NECAB2: variants seen among roughly 807,000 people sequenced by gnomAD.
The protein encoded by NECAB2 is N-terminal EF-hand calcium binding protein 2.
A neutral mutation model predicts 51.9 loss-of-function variants in NECAB2; 68 were observed. The ratio of observed to expected loss-of-function variants is 1.31; its 90% CI spans 1.08 to 1.60. NECAB2 has a LOEUF of 1.60. Among genes scored for constraint, NECAB2 ranks in the 40% most tolerant of loss-of-function variants. The probability of loss-of-function intolerance (pLI) is 0.00; values close to 1 mark genes in which losing one functional copy is unlikely to be tolerated. For missense variants in NECAB2, 854 were observed against 490.3 expected (o/e 1.74, Z -7.00); for synonymous variants, 329 against 203.5 (o/e 1.62, Z -5.25).
chr16:83,969,853 G>A (rs1324642780), intron 1 of NECAB2, among the ~76,000 whole-genome samples: 4 of 152,150 alleles, frequency 2.6e-5, no homozygotes, highest in Non-Finnish European at 5.9e-5. Context: ...CGCGTGTATC[G>A]CGGATCCCTG....
chr16:83,985,176 G>A (rs921971572), intron 5 of NECAB2, among the ~76,000 whole-genome samples: 2 of 151,734 alleles, frequency 1.3e-5, no homozygotes, highest in African/African-American at 4.8e-5. Flanking sequence ...AGCCGAGCGT[G>A]GTGGCAGGCG....
intron 1 of NECAB2, among the ~76,000 whole-genome samples, chr16:83,971,248 A>G (rs753305171): frequency 1.3e-5 from 2 of 152,216 alleles, no homozygotes; most frequent in Admixed American, 6.5e-5. Context: ...GCAAGGTCTT[A>G]GCGCACAGGT....
At chr16:83,994,571 C>T (rs1567675748) in intron 7 of NECAB2, 38 bp from the exon 8 acceptor site, 4 of 1,612,852 alleles carry the variant, frequency 2.5e-6, no homozygotes, top group South Asian at 2.2e-5. Context: ...CTCGTCCTGC[C>T]CACCACTGAA....
At position 83,994,542 on chromosome 16, in the gene NECAB2, C is replaced by A. The variant is rs1730080840; in HGVS notation, c.716-67C>A. The A allele has an allele frequency of 6.2e-6, 10 of 1,605,398 alleles. No individual in the cohort carries two copies. The East Asian group carries it at 6.7e-5, about 11-fold the overall frequency. ...ATGCCCCTGGAGGGGCTGGATGTTT[C>A]CAGCTTCCCCCCGAAGCCCTCGTCC... On this transcript the variant is annotated intron_variant, in intron 7 of 12. Coordinates refer to ENST00000305202, the MANE Select transcript of NECAB2 (RefSeq NM_019065.3).
At chr16:83,969,961 C>T (rs959213218) in intron 1 of NECAB2, among the ~76,000 whole-genome samples, 1 of 152,164 alleles carries the variant, frequency 6.6e-6, no homozygotes, top group African/African-American at 2.4e-5. Flanking sequence ...GCAGGGGGAG[C>T]TCTAGAGTGC....
intron 5 of NECAB2, among the ~76,000 whole-genome samples, chr16:83,981,676 T>C (rs2084491509): frequency 6.6e-6 from 1 of 151,842 alleles, no homozygotes; most frequent in South Asian, 2.1e-4. Flanking sequence ...CTGGCTGGGA[T>C]GAGTGGGGAA....
intron 6 of NECAB2, among the ~76,000 whole-genome samples, chr16:83,993,181 C>A (rs988647203): frequency 1.3e-5 from 2 of 152,190 alleles, no homozygotes; most frequent in Non-Finnish European, 2.9e-5. Context: ...CCAGGACAGT[C>A]TCCCAGGATG....
intron 2 of NECAB2, among the ~76,000 whole-genome samples, chr16:83,972,820 C>G (rs945169167): frequency 9.2e-5 from 14 of 152,320 alleles, no homozygotes; most frequent in East Asian, 7.7e-4. Context: ...AGGGGCTTCA[C>G]TTGCAGAAGG....
intron 10 of NECAB2, among the ~76,000 whole-genome samples, chr16:83,999,040 A>C (rs1230613933): frequency 1.3e-5 from 2 of 152,070 alleles, no homozygotes; most frequent in African/African-American, 4.8e-5. Context: ...CCATCCCCAG[A>C]GCACACACTC....
At chr16:83,990,090 C>A (rs2084603080) in intron 5 of NECAB2, among the ~76,000 whole-genome samples, 1 of 152,208 alleles carries the variant, frequency 6.6e-6, no homozygotes, top group African/African-American at 2.4e-5. Flanking sequence ...AACTACCAGT[C>A]ACTATCACTG....
At chr16:83,970,396 G>A (rs1332553523) in intron 1 of NECAB2, among the ~76,000 whole-genome samples, 2 of 152,190 alleles carry the variant, frequency 1.3e-5, no homozygotes, top group Non-Finnish European at 2.9e-5. Context: ...AGTCAGGAAC[G>A]GGGCTGCGGG....
chr16:83,969,770 G>A (rs1473015389), intron 1 of NECAB2, among the ~76,000 whole-genome samples: 1 of 152,172 alleles, frequency 6.6e-6, no homozygotes, highest in Admixed American at 6.5e-5. Context: ...GTCCTGCTGG[G>A]GTGGGGCTGG....
chr16:83,996,718 T>TG lies in NECAB2; in HGVS notation c.796-495dup, dbSNP rs568869398. Among the ~76,000 whole-genome samples, 270 of 152,262 alleles carry TG rather than the reference T, an allele frequency of 1.8e-3. 2 individuals are homozygous for TG. Among genetic ancestry groups the TG allele is most frequent in the African/African-American group, 6.0e-3 (251 of 41,566 alleles). ...TCTTCTGTGGGGGCTCAGCCCTGTG[T>TG]GGGCACCAGTCGTGGGCGAACAGAG... is the stretch of plus-strand genomic sequence containing the variant. On this transcript the variant is annotated intron_variant, in intron 8 of 12. Coordinates refer to ENST00000305202, the MANE Select transcript of NECAB2 (RefSeq NM_019065.3).
chr16:83,997,864 A>AT (rs1245322392), intron 9 of NECAB2, among the ~76,000 whole-genome samples: 1 of 152,078 alleles, frequency 6.6e-6, no homozygotes, highest in African/African-American at 2.4e-5. Context: ...AGTGATGTGA[A>AT]AATGCTGAGT....
chr16:83,977,285 G>A (rs555621524), intron 2 of NECAB2, among the ~76,000 whole-genome samples: 4 of 152,242 alleles, frequency 2.6e-5, no homozygotes, highest in African/African-American at 9.6e-5. Context: ...CTCTTAAGGA[G>A]GAACAGATCC....
At chr16:83,979,489 C>T (rs75851976) in intron 3 of NECAB2, among the ~76,000 whole-genome samples, 5,807 of 152,240 alleles carry the variant, frequency 0.038, 195 homozygotes, top group African/African-American at 0.09. Context: ...GAGCAGATAC[C>T]ATCCTCTGGG....
upstream of NECAB2, among the ~76,000 whole-genome samples, chr16:83,967,463 T>C (rs1597187558): frequency 7.4e-5 from 1 of 13,580 alleles, no homozygotes; most frequent in African/African-American, 3.2e-4. Context: ...GATGGATGGA[T>C]GGATGGATGG....
At chr16:83,986,376 G>C (rs922394068) in intron 5 of NECAB2, among the ~76,000 whole-genome samples, 2 of 152,214 alleles carry the variant, frequency 1.3e-5, no homozygotes, top group African/African-American at 4.8e-5. Flanking sequence ...GCTCAAAGGA[G>C]AATTGAAAGA....
At chr16:83,969,979 G>A (rs1199035459) in intron 1 of NECAB2, among the ~76,000 whole-genome samples, 1 of 152,146 alleles carries the variant, frequency 6.6e-6, no homozygotes, top group Admixed American at 6.5e-5. Flanking sequence ...TGCCACACTC[G>A]CAGGCACACA....
Sources: gnomAD v4.1 joint callset for allele counts (sites outside exome capture counted in the v4.1 genomes callset) on GRCh38, gnomAD v4.1.1 for gene constraint, MANE v1.5 for transcripts, NCBI Gene and HGNC (gene_info 2026-07-23, HGNC 2026-07-21) for gene names.